Variants in COL6A6 observed in about 807,000 individuals in gnomAD.
COL6A6 encodes collagen alpha-6(VI) chain.
A neutral mutation model predicts 208.6 loss-of-function variants in COL6A6; 183 were observed. The observed-to-expected ratio is 0.88, with a 90% confidence interval of 0.78 to 0.99. COL6A6 has a LOEUF of 0.99. Ranked by LOEUF, COL6A6 falls within the 50% of genes least tolerant of loss-of-function variation. The probability of loss-of-function intolerance (pLI) is 0.00; values close to 1 mark genes in which losing one functional copy is unlikely to be tolerated. For missense variants in COL6A6, 2,816 were observed against 2,815.2 expected, an observed-to-expected ratio of 1.00 and a Z score of -0.01; for synonymous variants, 973 against 1,011.8, an observed-to-expected ratio of 0.96 and a Z score of 0.73.
intron 1 of COL6A6, among the ~76,000 whole-genome samples, chr3:130,518,521 T>C (rs1710873409): frequency 1.3e-5 from 2 of 152,230 alleles, no homozygotes; most frequent in South Asian, 4.1e-4. Context: ...TTCTCCTTTT[T>C]TTTGAGACGG....
Position 130,621,872 on chromosome 3 carries a change from CAAGGAAATAAA to C in COL6A6, c.4868_4878del (p.Gln1623ArgfsTer24). ...AGGGAATCAAGGCCGTTTGGGAAGC[CAAGGAAATAAA>C]GTAGGTCACATTCTTTATACTCACC... On this transcript the variant is annotated frameshift_variant and splice_region_variant, in exon 24 of 37. Transcript: ENST00000358511. LOFTEE classifies it high-confidence loss of function. The C allele has an allele frequency of 3.1e-6, 5 of 1,613,604 alleles. No homozygotes were observed. Among genetic ancestry groups the C allele is most frequent in the Non-Finnish European group, 4.2e-6 (5 of 1,179,618 alleles).
intron 10 of COL6A6, among the ~76,000 whole-genome samples, chr3:130,584,669 C>CCACT (rs1349258120): frequency 5.9e-5 from 9 of 151,854 alleles, no homozygotes; most frequent in Non-Finnish European, 1.0e-4. Flanking sequence ...GGTTGGAGTG[C>CCACT]AGTGGTGCCA....
intron 28 of COL6A6, among the ~76,000 whole-genome samples, chr3:130,638,728 A>G (rs1223172063): frequency 6.6e-6 from 1 of 152,128 alleles, no homozygotes; most frequent in Non-Finnish European, 1.5e-5. Flanking sequence ...CTGGGTTGGA[A>G]TTAATTTCTC....
intron 23 of COL6A6, among the ~76,000 whole-genome samples, chr3:130,620,870 C>A (rs2064694797): frequency 6.6e-6 from 1 of 152,170 alleles, no homozygotes; most frequent in Non-Finnish European, 1.5e-5. Flanking sequence ...CAAATGATTT[C>A]AGCTCACTGG....
At position 130,603,613 on chromosome 3, in the gene COL6A6, A is replaced by G. The variant is rs544068086; in HGVS notation, c.4654-3318A>G. Among the ~76,000 whole-genome samples, 4 of 152,330 alleles carry G rather than the reference A, an allele frequency of 2.6e-5. No individual in the cohort carries two copies. In the East Asian group the frequency reaches 5.8e-4, roughly 22 times the overall value. ...GATTCTTGTGCCAAGGATAATGAGA[A>G]GCAACTGTAGCCTCAAATTAATGCA... On this transcript the variant is annotated intron_variant, in intron 20 of 36. Coordinates refer to ENST00000358511, the MANE Select transcript of COL6A6 (RefSeq NM_001102608.3).
At position 130,570,977 on chromosome 3, in the gene COL6A6, C is replaced by G; in HGVS notation, c.2561C>G (p.Ala854Gly). The G allele has an allele frequency of 6.2e-7, 1 of 1,613,986 alleles. No individual in the cohort carries two copies. Among genetic ancestry groups the G allele is most frequent in the South Asian group, 1.1e-5 (1 of 91,078 alleles). ...GTCCGGTTTGGGGCTCTGAAGTATG[C>G]TGATGACCCAGAGGTGCTGTTTTAT... The part of the protein sequence containing the change: ...NQVRFGALKY[A>G]DDPEVLFYLD... Residue 854 changes from alanine (A) to glycine (G), a missense_variant, in exon 7 of 37, where the codon GCT becomes GGT. Coordinates refer to ENST00000358511, the MANE Select transcript of COL6A6 (RefSeq NM_001102608.3).
intron 2 of COL6A6, among the ~76,000 whole-genome samples, chr3:130,562,827 G>A (rs1246540578): frequency 6.6e-6 from 1 of 152,032 alleles, no homozygotes; most frequent in Non-Finnish European, 1.5e-5. Context: ...CCAATTCCTT[G>A]CAAAAGTTAT....
intron 36 of COL6A6, among the ~76,000 whole-genome samples, chr3:130,667,663 TATA>T (rs1327749931): frequency 6.6e-6 from 1 of 152,160 alleles, no homozygotes; most frequent in African/African-American, 2.4e-5. Flanking sequence ...GTTCTAAGAC[TATA>T]AATATTAATA....
chr3:130,542,898 C>CTTTTTTTTTTTTTT (rs56339748), intron 1 of COL6A6, among the ~76,000 whole-genome samples: 9 of 92,612 alleles, frequency 9.7e-5, no homozygotes, highest in African/African-American at 3.7e-4. Flanking sequence ...TCCATTCACT[C>CTTTTTTTTTTTTTT]TTTTTTTTTT....
chr3:130,521,679 T>C (rs948601042), intron 1 of COL6A6, among the ~76,000 whole-genome samples: 3 of 152,166 alleles, frequency 2.0e-5, no homozygotes, highest in Non-Finnish European at 4.4e-5. Flanking sequence ...TGTGACTCTG[T>C]CTGAGGGCTT....
In COL6A6 at chr3:130,621,790, C is replaced by T. The variant is rs767356356; in HGVS notation, c.4816-31C>T. The T allele has an allele frequency of 6.3e-6, 10 of 1,598,586 alleles. No homozygotes were observed. The African/African-American group carries it at 9.4e-5, about 15-fold the overall frequency. ...TGAAGAAAAGTTGCTTTATGTTTTG[C>T]TATATTTGCAAACCCCTTGTTTTGT... On this transcript the variant is annotated intron_variant, in intron 23 of 36. Coordinates refer to ENST00000358511, the MANE Select transcript of COL6A6 (RefSeq NM_001102608.3).
At chr3:130,518,538 T>G (rs1317504826) in intron 1 of COL6A6, among the ~76,000 whole-genome samples, 1 of 152,172 alleles carries the variant, frequency 6.6e-6, no homozygotes, top group African/African-American at 2.4e-5. Context: ...ACGGAGTTTC[T>G]CTCTTGTTGC....
rs573558137 is a variant in COL6A6 at position 130,649,207 on chromosome 3, G to C, written c.5378G>C (p.Ser1793Thr). 94 of 1,592,594 alleles carry C rather than the reference G, an allele frequency of 5.9e-5. No homozygotes were observed. The highest frequency in any genetic ancestry group is 7.7e-5 in the Non-Finnish European group (90 of 1,169,398). Residue 1793 changes from serine (S) to threonine (T), a missense_variant, in exon 33 of 37, where the codon AGC becomes ACC. Transcript: ENST00000358511. ...AGAGACATTAAGGTCCGGGAGAACAGCTGCCCCGTGGGAGCGCACATCGCC... is the reference window on the plus strand; with the variant it reads ...AGAGACATTAAGGTCCGGGAGAACACCTGCCCCGTGGGAGCGCACATCGCC... ...LVRDIKVREN[S>T]CPVGAHIAIL...
chr3:130,644,295 C>T (rs930003599), intron 31 of COL6A6, among the ~76,000 whole-genome samples: 6 of 152,198 alleles, frequency 3.9e-5, no homozygotes, highest in Admixed American at 1.3e-4. Context: ...ATAGAAGTTT[C>T]TGCAGTGATG....
Position 130,567,130 on chromosome 3 carries a change from G to C in COL6A6, c.1711G>C (p.Gly571Arg), listed in dbSNP as rs376839638. The C allele has an allele frequency of 1.9e-6, 3 of 1,613,948 alleles. No individual in the cohort carries two copies. Among genetic ancestry groups the C allele is most frequent in the Middle Eastern group, 1.6e-4 (1 of 6,062 alleles). ...AGAGCACATCCGAGTTTATGCTATC[G>C]GGATCAAGGAGGCCAACCAAACACA... is the stretch of plus-strand genomic sequence containing the variant. ...REEHIRVYAI[G>R]IKEANQTQLR... The change falls in exon 5 of 37, where the codon GGG becomes CGG. Residue 571 changes from glycine to arginine, a missense_variant. By Grantham distance (125) the Gly-to-Arg change is moderately radical (BLOSUM62 -2). Transcript: ENST00000358511.
Position 130,574,128 on chromosome 3 carries a change from G to A in COL6A6, c.3150G>A (p.Pro1050=), listed in dbSNP as rs557884581. Residue 1050 remains proline (P), a synonymous_variant, in exon 8 of 37, where the codon CCG becomes CCA. Coordinates refer to ENST00000358511, the MANE Select transcript of COL6A6 (RefSeq NM_001102608.3). The part of the protein sequence containing the change: ...GAAQFSDTYH[P]EFPLGTFIGE... ...CCCAGTTTAGCGATACCTATCACCC[G>A]GAGTTTCCACTGGGAACTTTCATAG... The A allele has an allele frequency of 2.5e-5, 40 of 1,613,900 alleles. No individual in the cohort carries two copies. The highest frequency in any genetic ancestry group is 1.5e-4 in the South Asian group (14 of 91,076).
At chr3:130,618,308 C>T (rs2064598116) in intron 23 of COL6A6, among the ~76,000 whole-genome samples, 2 of 152,126 alleles carry the variant, frequency 1.3e-5, no homozygotes, top group African/African-American at 4.8e-5. Context: ...TGTTTTTGAT[C>T]AGTAAATGGG....
intron 23 of COL6A6, 39 bp downstream of exon 23, chr3:130,610,750 T>C (rs1416138589): frequency 6.2e-6 from 9 of 1,441,990 alleles, no homozygotes; most frequent in Non-Finnish European, 8.6e-6. Flanking sequence ...GACTTTGATC[T>C]TGGCTTGATA....
intron 36 of COL6A6, among the ~76,000 whole-genome samples, chr3:130,665,298 T>C (rs1033324814): frequency 8.5e-5 from 13 of 152,122 alleles, no homozygotes; most frequent in Non-Finnish European, 1.6e-4. Context: ...CAAATTGCTT[T>C]TTTTTTTAAT....
Sources: allele counts gnomAD v4.1 joint callset (sites outside exome capture counted in the v4.1 genomes callset), GRCh38; gene constraint gnomAD v4.1.1; transcripts MANE v1.5; gene names NCBI Gene and HGNC (gene_info 2026-07-23, HGNC 2026-07-21).